The following MRGPRE variants were observed in gnomAD, a reference collection of about 807,000 sequenced individuals.
MRGPRE encodes mas-related G protein-coupled receptor member E.
For synonymous variants in MRGPRE, 229 were observed against 206.7 expected (o/e 1.11, Z -0.92); for missense variants, 466 against 433.4 (o/e 1.08, Z -0.67).
In MRGPRE at chr11:3,228,716, C is replaced by A; in HGVS notation, c.84G>T (p.Leu28=). 2 of 1,613,934 alleles carry A rather than the reference C, an allele frequency of 1.2e-6. No individual in the cohort carries two copies. The highest frequency in any genetic ancestry group is 1.7e-6 in the Non-Finnish European group (2 of 1,179,996). Residue 28 remains leucine, a synonymous_variant, in exon 2 of 2, where the codon CTG becomes CTT. Transcript: ENST00000389832. ...QEDVAFNLII[L]SLTEGLGLGG... is the part of the protein sequence containing the mutation. The stretch of plus-strand genomic sequence containing the variant: ...CGAGGCCGAGCCCCTCGGTGAGGGA[C>A]AGGATGATGAGGTTGAAGGCCACAT...
Position 3,228,085 on chromosome 11 carries a change from A to G in MRGPRE, c.715T>C (p.Ser239Pro), listed in dbSNP as rs574441864. The G allele has an allele frequency of 7.9e-5, 126 of 1,605,070 alleles. No homozygotes were observed. In the East Asian group the frequency reaches 2.5e-3, roughly 32 times the overall value. Residue 239 changes from serine (S) to proline (P), a missense_variant, in exon 2 of 2, where the codon TCC becomes CCC. By Grantham distance (74) the Ser-to-Pro change is moderately conservative. Transcript: ENST00000389832. Reference protein sequence around the residue: ...CGLPFGIYWLSRNLLWYIPHY... With the variant: ...CGLPFGIYWLPRNLLWYIPHY... ...GGGATGTACCAGAGCAGGTTCCGGG[A>G]CAGCCAGTAGATGCCGAAGGGCAGG...
chr11:3,228,244 C>T lies in MRGPRE; in HGVS notation c.556G>A (p.Ala186Thr). 1 of 1,552,084 alleles carries T rather than the reference C, an allele frequency of 6.4e-7. No homozygotes were observed. Among genetic ancestry groups the T allele is most frequent in the Non-Finnish European group, 8.7e-7 (1 of 1,149,806 alleles). Reference protein sequence around the residue: ...TLWLVAAVLLALLCCTMCGAS... With the variant: ...TLWLVAAVLLTLLCCTMCGAS... ...CCACACATGGTGCAACACAGCAGAGCCAGCAGCACCGCTGCCACCAGCCAC... is the reference window on the plus strand; with the variant it reads ...CCACACATGGTGCAACACAGCAGAGTCAGCAGCACCGCTGCCACCAGCCAC... Residue 186 changes from alanine (A) to threonine (T), a missense_variant, in exon 2 of 2, where the codon GCT becomes ACT. Ala to Thr is a moderately conservative substitution (Grantham distance 58). Transcript: ENST00000389832.
In MRGPRE at chr11:3,228,554, G is replaced by A. The variant is rs200957230; in HGVS notation, c.246C>T (p.Pro82=). 1.5e-3 allele frequency: 2,379 copies of A among 1,613,616 alleles called. 5 individuals carry two copies. Among genetic ancestry groups the A allele is most frequent in the Non-Finnish European group, 1.6e-3 (1,934 of 1,179,748 alleles). Residue 82 remains proline, a synonymous_variant, in exon 2 of 2, where the codon CCC becomes CCT. Coordinates refer to ENST00000389832, the MANE Select transcript of MRGPRE (RefSeq NM_001039165.4). ...FLGCHMVAIV[P]DLLQGRLDFP... is the part of the protein sequence containing the mutation. ...AGTCCAGCCGGCCTTGCAGCAAGTC[G>A]GGGACGATGGCCACCATGTGGCAGC...
chr11:3,230,604 A>C lies in MRGPRE; in HGVS notation c.-62+1537T>G, dbSNP rs1847818791. Reference sequence around the variant, plus strand: ...TTTTGTTTGACTGGGGTGAAATGACAGCCTGAGGTTGTCCCCGCCTCAGGG... The same window carrying C: ...TTTTGTTTGACTGGGGTGAAATGACCGCCTGAGGTTGTCCCCGCCTCAGGG... On this transcript the variant is annotated intron_variant, in intron 1 of 1. Coordinates refer to ENST00000389832, the MANE Select transcript of MRGPRE (RefSeq NM_001039165.4). This position sits in a 1 kb window ranked among gnomAD's most constrained non-coding sequence, Gnocchi z 5.5. 6.6e-6 allele frequency among the ~76,000 whole-genome samples: 1 copy of C among 150,662 alleles called. No homozygotes were observed.
chr11:3,226,933 C>A lies in MRGPRE; in HGVS notation c.*928G>T, dbSNP rs1228943126. 6.6e-6 allele frequency among the ~76,000 whole-genome samples: 1 copy of A among 152,218 alleles called. No homozygotes were observed. The highest frequency in any genetic ancestry group is 1.5e-5 in the Non-Finnish European group (1 of 68,036). On this transcript the variant is annotated 3_prime_UTR_variant, in exon 2 of 2. Coordinates refer to ENST00000389832, the MANE Select transcript of MRGPRE (RefSeq NM_001039165.4). ...CAGGCTGTGGGCTCCAAAGCCCCCA[C>A]TCTAGCACCCCTGGCACATGCTCCT...
Position 3,228,860 on chromosome 11 carries a change from C to G in MRGPRE, c.-61G>C. On this transcript the variant is annotated splice_region_variant and 5_prime_UTR_variant, in exon 2 of 2. Transcript: ENST00000389832. ...TCTGCTCGCTCTCTCTCCTGATGCCCCTGTAAACCACAACAGTTGAGTCTG... is the reference window on the plus strand; with the variant it reads ...TCTGCTCGCTCTCTCTCCTGATGCCGCTGTAAACCACAACAGTTGAGTCTG... 7.4e-7 allele frequency: 1 copy of G among 1,354,862 alleles called. No individual in the cohort carries two copies. The highest frequency in any genetic ancestry group is 1.0e-6 in the Non-Finnish European group (1 of 987,392). The allele number at this position is 1,354,862 out of a possible 1,614,324, so 83.9% of individuals were successfully genotyped here. A position where few individuals can be genotyped will look rare whatever the true frequency, so the allele number is the denominator to read the frequency against.
In MRGPRE at chr11:3,226,609, G is replaced by C. The variant is rs1847764047; in HGVS notation, c.*1252C>G. 6.6e-6 allele frequency among the ~76,000 whole-genome samples: 1 copy of C among 152,248 alleles called. No homozygotes were observed. Among genetic ancestry groups the C allele is most frequent in the South Asian group, 2.1e-4 (1 of 4,832 alleles). ...CTGCGACTCACACCCAGACTCAAGA[G>C]GGGCTGGTTCAGTCATGGTCCAGAG... On this transcript the variant is annotated 3_prime_UTR_variant, in exon 2 of 2. Coordinates refer to ENST00000389832, the MANE Select transcript of MRGPRE (RefSeq NM_001039165.4).
At position 3,229,475 on chromosome 11, in the gene MRGPRE, T is replaced by G. The variant is rs140881249; in HGVS notation, c.-61-615A>C. Reference sequence around the variant, plus strand: ...CTCCTGACCTCGTGATCCGCCTGCCTTGGACTCCCAAAGAATAAAATATGA... The same window carrying G: ...CTCCTGACCTCGTGATCCGCCTGCCGTGGACTCCCAAAGAATAAAATATGA... On this transcript the variant is annotated intron_variant, in intron 1 of 1. Coordinates refer to ENST00000389832, the MANE Select transcript of MRGPRE (RefSeq NM_001039165.4). The surrounding 1 kb of genome is among the most constrained non-coding windows in gnomAD (Gnocchi z 4.4). Among the ~76,000 whole-genome samples, 626 of 152,264 alleles carry G rather than the reference T, an allele frequency of 4.1e-3. 3 individuals carry two copies. Among genetic ancestry groups the G allele is most frequent in the African/African-American group, 0.014 (601 of 41,530 alleles).
At position 3,228,841 on chromosome 11, in the gene MRGPRE, C is replaced by T. The variant is rs765449854; in HGVS notation, c.-42G>A. ...GGATGCTGCAGGAGTGTGTTCTGCT[C>T]GCTCTCTCTCCTGATGCCCCTGTAA... is the stretch of plus-strand genomic sequence containing the variant. On this transcript the variant is annotated 5_prime_UTR_variant, in exon 2 of 2. Transcript: ENST00000389832. 21 of 1,488,394 alleles carry T rather than the reference C, an allele frequency of 1.4e-5. No individual in the cohort carries two copies. The highest frequency in any genetic ancestry group is 7.9e-5 in the Admixed American group (4 of 50,948). 92.2% of individuals were successfully genotyped at this position (1,488,394 alleles called of 1,614,324 possible).
rs10766790 is a variant in MRGPRE, at chr11:3,229,118, G to C, written c.-61-258C>G. 0.59 allele frequency among the ~76,000 whole-genome samples: 88,881 copies of C among 151,902 alleles called. 26,559 individuals are homozygous for C. Among genetic ancestry groups the C allele is most frequent in the Non-Finnish European group, 0.64 (43,492 of 67,968 alleles). On this transcript the variant is annotated intron_variant, in intron 1 of 1. Transcript: ENST00000389832. The surrounding 1 kb of genome is among the most constrained non-coding windows in gnomAD (Gnocchi z 4.4). ...GCCTTCCGTGGGGCTGGTCCCTGTA[G>C]GCCAGGTGGGGGCAGGGACCAGGAG...
Position 3,227,630 on chromosome 11 carries a change from C to T in MRGPRE, c.*231G>A, listed in dbSNP as rs756412671. 6.3e-5 allele frequency: 27 copies of T among 431,772 alleles called. No homozygotes were observed. Among genetic ancestry groups the T allele is most frequent in the Non-Finnish European group, 1.1e-4 (27 of 246,756 alleles). 26.7% of individuals were successfully genotyped at this position (431,772 alleles called of 1,614,324 possible). A position where few individuals can be genotyped will look rare whatever the true frequency, so the allele number is the denominator to read the frequency against. On this transcript the variant is annotated 3_prime_UTR_variant, in exon 2 of 2. Coordinates refer to ENST00000389832, the MANE Select transcript of MRGPRE (RefSeq NM_001039165.4). ...AAAAATGCACGTTCCTCGGCCTTCTCCCCAGAGACCCGGCCCGCCTGCCTG... is the reference window on the plus strand; with the variant it reads ...AAAAATGCACGTTCCTCGGCCTTCTTCCCAGAGACCCGGCCCGCCTGCCTG...
At position 3,230,540 on chromosome 11, in the gene MRGPRE, T is replaced by C. The variant is rs539246794; in HGVS notation, c.-62+1601A>G. On this transcript the variant is annotated intron_variant, in intron 1 of 1. Coordinates refer to ENST00000389832, the MANE Select transcript of MRGPRE (RefSeq NM_001039165.4). The surrounding 1 kb of genome is among the most constrained non-coding windows in gnomAD (Gnocchi z 5.5). ...AGGTGCCAGCCACCCCGTGAGGTGC[T>C]GGTCATCTCCCTCGGCTTACACCCT... is the stretch of plus-strand genomic sequence containing the variant. Among the ~76,000 whole-genome samples, 1 of 151,962 alleles carries C rather than the reference T, an allele frequency of 6.6e-6. No individual in the cohort carries two copies. Among genetic ancestry groups the C allele is most frequent in the East Asian group, 1.9e-4 (1 of 5,148 alleles).
rs780318428 is a variant in MRGPRE, at chr11:3,225,719, A to T, written c.*2142T>A. Reference sequence around the variant, plus strand: ...CACCAGCATCCTGGGCCATCAGGCCATATACCTGCTGCCACAGCAGCTACT... The same window carrying T: ...CACCAGCATCCTGGGCCATCAGGCCTTATACCTGCTGCCACAGCAGCTACT... On this transcript the variant is annotated 3_prime_UTR_variant, in exon 2 of 2. Transcript: ENST00000389832. 2.2e-4 allele frequency among the ~76,000 whole-genome samples: 33 copies of T among 152,222 alleles called. No homozygotes were observed. Among genetic ancestry groups the T allele is most frequent in the Admixed American group, 4.6e-4 (7 of 15,284 alleles).
In MRGPRE at chr11:3,226,639, T is replaced by A. The variant is rs1847764399; in HGVS notation, c.*1222A>T. On this transcript the variant is annotated 3_prime_UTR_variant, in exon 2 of 2. Coordinates refer to ENST00000389832, the MANE Select transcript of MRGPRE (RefSeq NM_001039165.4). Reference sequence around the variant, plus strand: ...TGGTTCAGTCATGGTCCAGAGGGAATGTCCTTCCATCACCAGCCATGGAGG... The same window carrying A: ...TGGTTCAGTCATGGTCCAGAGGGAAAGTCCTTCCATCACCAGCCATGGAGG... Among the ~76,000 whole-genome samples the A allele has an allele frequency of 6.6e-6, 1 of 152,204 alleles. No individual in the cohort carries two copies. Among genetic ancestry groups the A allele is most frequent in the Non-Finnish European group, 1.5e-5 (1 of 68,024 alleles).
Position 3,227,894 on chromosome 11 carries a change from G to C in MRGPRE, c.906C>G (p.Thr302=), listed in dbSNP as rs923430861. ...CTATGTCCACCAGGCCCCGGCGGGA[G>C]GTCTCCCTGACGGCCCCCAGCTCAG... The part of the protein sequence containing the change: ...DEAELGAVRE[T]SRRGLVDIAA Residue 302 remains threonine (T), a synonymous_variant, in exon 2 of 2, where the codon ACC becomes ACG. Coordinates refer to ENST00000389832, the MANE Select transcript of MRGPRE (RefSeq NM_001039165.4). The C allele has an allele frequency of 1.4e-6, 2 of 1,467,642 alleles. No homozygotes were observed. Among genetic ancestry groups the C allele is most frequent in the East Asian group, 4.9e-5 (2 of 40,754 alleles). 90.9% of individuals were successfully genotyped at this position (1,467,642 alleles called of 1,614,324 possible). A position where few individuals can be genotyped will look rare whatever the true frequency, so the allele number is the denominator to read the frequency against.
rs773038462 is a variant in MRGPRE, at chr11:3,227,975, G to A, written c.825C>T (p.Ala275=). Residue 275 remains alanine, a synonymous_variant, in exon 2 of 2, where the codon GCC becomes GCT. Coordinates refer to ENST00000389832, the MANE Select transcript of MRGPRE (RefSeq NM_001039165.4). ...KPVVYFCLGS[A]QGRRLPLRLV... ...GCCGGAGGGGCAGCCTGCGGCCCTG[G>A]GCACTGCCCAGGCAGAAGTAGACGA... 5.7e-6 allele frequency: 9 copies of A among 1,589,414 alleles called. No individual in the cohort carries two copies. In the African/African-American group the frequency reaches 1.2e-4, roughly 21 times the overall value.
In MRGPRE at chr11:3,231,315, A is replaced by G. The variant is rs1329955599; in HGVS notation, c.-62+826T>C. Among the ~76,000 whole-genome samples, 1 of 151,816 alleles carries G rather than the reference A, an allele frequency of 6.6e-6. No homozygotes were observed. Among genetic ancestry groups the G allele is most frequent in the Non-Finnish European group, 1.5e-5 (1 of 67,954 alleles). ...AGGCATGAAGAGATGGGGGACAGAG[A>G]AGGAAACAGGGAGGAGAACAGGGGG... is the stretch of plus-strand genomic sequence containing the variant. On this transcript the variant is annotated intron_variant, in intron 1 of 1. Coordinates refer to ENST00000389832, the MANE Select transcript of MRGPRE (RefSeq NM_001039165.4). This position sits in a 1 kb window ranked among gnomAD's most constrained non-coding sequence, Gnocchi z 4.7.
chr11:3,230,611 G>A lies in MRGPRE; in HGVS notation c.-62+1530C>T, dbSNP rs1400327433. Among the ~76,000 whole-genome samples, 2 of 152,064 alleles carry A rather than the reference G, an allele frequency of 1.3e-5. No individual in the cohort carries two copies. Among genetic ancestry groups the A allele is most frequent in the African/African-American group, 4.8e-5 (2 of 41,402 alleles). ...TGACTGGGGTGAAATGACAGCCTGA[G>A]GTTGTCCCCGCCTCAGGGGTGGGCA... On this transcript the variant is annotated intron_variant, in intron 1 of 1. Transcript: ENST00000389832. This position sits in a 1 kb window ranked among gnomAD's most constrained non-coding sequence, Gnocchi z 5.5.
At position 3,228,805 on chromosome 11, in the gene MRGPRE, G is replaced by C. The variant is rs533123567; in HGVS notation, c.-6C>G. 2.5e-6 allele frequency: 4 copies of C among 1,594,608 alleles called. No individual in the cohort carries two copies. Among genetic ancestry groups the C allele is most frequent in the East Asian group, 2.2e-5 (1 of 44,584 alleles). Reference sequence around the variant, plus strand: ...GCTTCTCTGGGCTCCATCATGGGGCGGGGGGCCAGGGGATGCTGCAGGAGT... The same window carrying C: ...GCTTCTCTGGGCTCCATCATGGGGCCGGGGGCCAGGGGATGCTGCAGGAGT... On this transcript the variant is annotated 5_prime_UTR_variant, in exon 2 of 2. Coordinates refer to ENST00000389832, the MANE Select transcript of MRGPRE (RefSeq NM_001039165.4).
Sources: gnomAD v4.1 joint callset for allele counts (sites outside exome capture counted in the v4.1 genomes callset) on GRCh38, gnomAD v4.1.1 for gene constraint, Gnocchi (gnomAD v3.1) non-coding constraint, MANE v1.5 for transcripts, NCBI Gene and HGNC (gene_info 2026-07-23, HGNC 2026-07-21) for gene names.